Variants in HSF5 observed in about 807,000 individuals in gnomAD.
HSF5 encodes heat shock factor protein 5.
In HSF5, 5 loss-of-function variants were observed where a neutral mutation model predicts 50.8. The ratio of observed to expected loss-of-function variants is 0.10; its 90% CI spans 0.05 to 0.21. The LOEUF (loss-of-function observed/expected upper bound fraction) is 0.21. Ranked by LOEUF, HSF5 falls within the 10% of genes least tolerant of loss-of-function variation. The probability of loss-of-function intolerance (pLI) is 1.00; values close to 1 mark genes in which losing one functional copy is unlikely to be tolerated. For missense variants in HSF5, 564 were observed against 762.6 expected (o/e 0.74, Z 3.07); for synonymous variants, 307 against 307.4 (o/e 1.00, Z 0.02).
At chr17:58,436,398 T>A (rs1432808148) in intron 5 of HSF5, among the ~76,000 whole-genome samples, 1 of 152,106 alleles carries the variant, frequency 6.6e-6, no homozygotes. Context: ...CATTTTCCTC[T>A]TGTCCATAAT....
At chr17:58,452,371 T>G (rs940620561) in intron 5 of HSF5, among the ~76,000 whole-genome samples, 2 of 152,192 alleles carry the variant, frequency 1.3e-5, no homozygotes, top group Admixed American at 1.3e-4. Flanking sequence ...GAGACTACTA[T>G]GAACAACTAC....
At chr17:58,458,238 A>G (rs144121670) in intron 5 of HSF5, among the ~76,000 whole-genome samples, 1 of 152,234 alleles carries the variant, frequency 6.6e-6, no homozygotes, top group African/African-American at 2.4e-5. Flanking sequence ...TGTGCCTAAA[A>G]CAATCACTTA....
intron 5 of HSF5, among the ~76,000 whole-genome samples, chr17:58,447,546 T>A (rs1974576500): frequency 6.6e-6 from 1 of 151,998 alleles, no homozygotes; most frequent in Non-Finnish European, 1.5e-5. Context: ...CTCCTTCAAC[T>A]TGGGGGAAAG....
chr17:58,423,362 A>G (rs979724827), intron 5 of HSF5, among the ~76,000 whole-genome samples: 1 of 152,186 alleles, frequency 6.6e-6, no homozygotes, highest in Non-Finnish European at 1.5e-5. Flanking sequence ...AGCTAAGACC[A>G]TGTGTAGAAG....
chr17:58,478,990 C>T (rs1485668579), intron 2 of HSF5, among the ~76,000 whole-genome samples: 1 of 151,524 alleles, frequency 6.6e-6, no homozygotes, highest in South Asian at 2.1e-4. Flanking sequence ...GATCTACCAG[C>T]GTGTTCTCAA....
intron 3 of HSF5, among the ~76,000 whole-genome samples, chr17:58,464,136 A>G (rs1313721418): frequency 6.6e-6 from 1 of 152,266 alleles, no homozygotes; most frequent in East Asian, 1.9e-4. Context: ...GATGCTGCTA[A>G]ACACAATCAT....
At chr17:58,472,574 A>T (rs1437349726) in intron 2 of HSF5, among the ~76,000 whole-genome samples, 2 of 152,216 alleles carry the variant, frequency 1.3e-5, no homozygotes, top group Admixed American at 6.5e-5. Context: ...CACATATATT[A>T]ATTTATTTAA....
At chr17:58,467,333 A>G (rs1974881105) in intron 2 of HSF5, among the ~76,000 whole-genome samples, 2 of 152,372 alleles carry the variant, frequency 1.3e-5, no homozygotes, top group East Asian at 1.9e-4. Context: ...AAGTATTTCA[A>G]TCATTTCAAC....
chr17:58,466,164 A>T (rs1974863397), intron 3 of HSF5, among the ~76,000 whole-genome samples: 1 of 152,140 alleles, frequency 6.6e-6, no homozygotes, highest in Non-Finnish European at 1.5e-5. Flanking sequence ...AAAAATCCAA[A>T]ATCTGAAACA....
At chr17:58,454,585 C>T (rs1416349800) in intron 5 of HSF5, among the ~76,000 whole-genome samples, 1 of 152,038 alleles carries the variant, frequency 6.6e-6, no homozygotes, top group Non-Finnish European at 1.5e-5. Flanking sequence ...CATAGAAAAC[C>T]CTAAAGATTC....
At chr17:58,468,269 A>G (rs1429718839) in intron 2 of HSF5, among the ~76,000 whole-genome samples, 5 of 152,062 alleles carry the variant, frequency 3.3e-5, no homozygotes, top group Non-Finnish European at 7.4e-5. Flanking sequence ...TTGGCGGCAC[A>G]TGTTTGTAGT....
intron 5 of HSF5, among the ~76,000 whole-genome samples, chr17:58,428,563 G>A (rs1171055119): frequency 6.6e-6 from 1 of 152,118 alleles, no homozygotes; most frequent in Admixed American, 6.5e-5. Context: ...GAAAGCTGAG[G>A]CAGGAGAATG....
intron 4 of HSF5, among the ~76,000 whole-genome samples, chr17:58,462,320 G>A (rs1439925549): frequency 2.0e-5 from 3 of 152,168 alleles, no homozygotes; most frequent in Non-Finnish European, 2.9e-5. Flanking sequence ...ACAGTTCAAT[G>A]ATGCTGTAAT....
chr17:58,487,791 C>T lies in HSF5; in HGVS notation c.484G>A (p.Ala162Thr), dbSNP rs1261704044. The T allele has an allele frequency of 2.6e-6, 4 of 1,512,966 alleles. No homozygotes were observed. The highest frequency in any genetic ancestry group is 2.6e-6 in the Non-Finnish European group (3 of 1,140,162). The allele number at this position is 1,512,966 out of a possible 1,614,324, so 93.7% of individuals were successfully genotyped here. ...TGGTGCTGCAGTGGCGCGGTGGCGGCGGAGGCCGAGGTGATGAGCAGCCGC... is the reference window on the plus strand; with the variant it reads ...TGGTGCTGCAGTGGCGCGGTGGCGGTGGAGGCCGAGGTGATGAGCAGCCGC... Reference protein sequence around the residue: ...FQRLLITSASAATAPLQHQQP... With the variant: ...FQRLLITSASTATAPLQHQQP... The change falls in exon 1 of 6, where the codon GCC (alanine) becomes ACC (threonine). Residue 162 changes from alanine to threonine, a missense_variant. Physicochemically the swap from Ala to Thr is moderately conservative, Grantham distance 58. This residue lies in a region of HSF5 where 441 missense variants were observed against 533.6 expected (regional missense o/e 0.83). Transcript: ENST00000323777.
chr17:58,434,068 C>G (rs1364983931), intron 5 of HSF5, among the ~76,000 whole-genome samples: 3 of 151,582 alleles, frequency 2.0e-5, no homozygotes, highest in Non-Finnish European at 2.9e-5. Flanking sequence ...CGCATGCCAC[C>G]CCGCCTGGTT....
rs185532049 is a variant in HSF5, at chr17:58,441,764, G to T, written c.1720+17004C>A. Among the ~76,000 whole-genome samples the T allele has an allele frequency of 9.2e-5, 14 of 152,292 alleles. No individual in the cohort carries two copies. The South Asian group carries it at 2.1e-3, about 23-fold the overall frequency. On this transcript the variant is annotated intron_variant, in intron 5 of 5. Transcript: ENST00000323777. ...AAAGCAAAAGCAGGGCTTCACTGAT[G>T]GGCTAACCAAGGAATTTATCCTACT...
At chr17:58,428,603 G>A (rs1473213598) in intron 5 of HSF5, among the ~76,000 whole-genome samples, 1 of 151,034 alleles carries the variant, frequency 6.6e-6, no homozygotes, top group Non-Finnish European at 1.5e-5. Context: ...AGCTTGCAGT[G>A]AGCCGAGATC....
intron 5 of HSF5, among the ~76,000 whole-genome samples, chr17:58,449,085 T>A (rs899524644): frequency 2.0e-5 from 3 of 152,184 alleles, no homozygotes; most frequent in African/African-American, 7.2e-5. Flanking sequence ...AAATTATAAC[T>A]GTAAGATGTT....
At chr17:58,429,490 T>C (rs1432698890) in intron 5 of HSF5, among the ~76,000 whole-genome samples, 4 of 148,438 alleles carry the variant, frequency 2.7e-5, no homozygotes, top group African/African-American at 5.0e-5. Context: ...GCCAAGATCA[T>C]ACCACTGCAC....
Sources: allele counts gnomAD v4.1 joint callset (sites outside exome capture counted in the v4.1 genomes callset), GRCh38; gene constraint gnomAD v4.1.1; regional missense constraint gnomAD v4.1.1; transcripts MANE v1.5; gene names NCBI Gene and HGNC (gene_info 2026-07-23, HGNC 2026-07-21).